Variants in PHF11 observed in about 807,000 individuals in gnomAD.
The protein encoded by PHF11 is BRCA1 C-terminus-associated protein.
A neutral mutation model predicts 40.5 loss-of-function variants in PHF11; 38 were observed. The observed-to-expected ratio is 0.94, with a 90% CI of 0.72 to 1.23. The LOEUF (loss-of-function observed/expected upper bound fraction) is 1.23, where lower values mean the gene tolerates loss of function less well. Ranked by LOEUF, PHF11 falls within the 50% of genes most tolerant of loss-of-function variation. PHF11 has a pLI of 0.00. For missense variants in PHF11, 369 were observed against 392.4 expected (o/e 0.94, Z 0.50); for synonymous variants, 127 against 138.2 (o/e 0.92, Z 0.57).
intron 2 of PHF11, among the ~76,000 whole-genome samples, chr13:49,509,206 T>G (rs1366514200): frequency 6.7e-6 from 1 of 148,656 alleles, no homozygotes; most frequent in African/African-American, 2.5e-5. Flanking sequence ...CCTGAATACT[T>G]TAGTATGATT....
intron 2 of PHF11, 137 bp from the exon 3 acceptor site, chr13:49,512,922 C>A (rs1479618476): frequency 1.0e-5 from 6 of 588,416 alleles, no homozygotes; most frequent in African/African-American, 1.9e-5. Flanking sequence ...TGCTCATCCA[C>A]CCCCAAAGTT....
chr13:49,524,449 G>T (rs998202059), intron 8 of PHF11, among the ~76,000 whole-genome samples: 4 of 151,502 alleles, frequency 2.6e-5, no homozygotes, highest in South Asian at 2.1e-4. Context: ...AAGCTGTCCA[G>T]CTTGTCATTC....
chr13:49,517,132 C>A (rs754839792), intron 3 of PHF11, among the ~76,000 whole-genome samples: 21 of 152,158 alleles, frequency 1.4e-4, no homozygotes, highest in Non-Finnish European at 4.4e-5. Flanking sequence ...ATTAAATGAT[C>A]GTTCTTGTAT....
At chr13:49,496,154 C>T (rs1958802258) in intron 1 of PHF11, 59 bp downstream of exon 1, 10 of 1,010,000 alleles carry the variant, frequency 9.9e-6, no homozygotes, top group Middle Eastern at 3.6e-4. Context: ...CGGGCCCGGT[C>T]AAGGGGCCTG....
chr13:49,521,082 A>G (rs1218164621), intron 5 of PHF11, 142 bp downstream of exon 5: 4 of 1,389,846 alleles, frequency 2.9e-6, no homozygotes, highest in Non-Finnish European at 2.8e-6. Context: ...AAAATTGACA[A>G]CTTCTTTGTG....
chr13:49,517,376 G>A (rs1007451749), intron 3 of PHF11, among the ~76,000 whole-genome samples: 3 of 152,132 alleles, frequency 2.0e-5, no homozygotes, highest in Non-Finnish European at 2.9e-5. Context: ...GCCACACACT[G>A]CCTAGCCATC....
chr13:49,526,702 G>T (rs112977789), intron 9 of PHF11, among the ~76,000 whole-genome samples: 2,857 of 151,004 alleles, frequency 0.019, 101 homozygotes, highest in African/African-American at 0.064. Context: ...GTTGGTTGTA[G>T]GTAGTTGGAA....
chr13:49,503,120 G>A (rs1031024697), intron 1 of PHF11, among the ~76,000 whole-genome samples: 24 of 152,072 alleles, frequency 1.6e-4, no homozygotes, highest in Non-Finnish European at 3.4e-4. Flanking sequence ...TCCTTTCCCA[G>A]CTTCCTGTGC....
intron 4 of PHF11, 96 bp from the exon 5 acceptor site, chr13:49,520,798 A>G (rs1196732953): frequency 1.2e-6 from 1 of 838,616 alleles, no homozygotes; most frequent in East Asian, 2.8e-5. Flanking sequence ...CCGTCATGAA[A>G]AGTAGGTTGG....
intron 3 of PHF11, 87 bp downstream of exon 3, chr13:49,513,253 A>G (rs1445620376): frequency 9.4e-6 from 6 of 640,780 alleles, no homozygotes; most frequent in African/African-American, 1.9e-5. Flanking sequence ...CTGATACACC[A>G]GGGATAGAGA....
intron 2 of PHF11, among the ~76,000 whole-genome samples, chr13:49,508,755 G>A (rs541460035): frequency 8.6e-5 from 13 of 151,924 alleles, no homozygotes; most frequent in East Asian, 3.9e-4. Flanking sequence ...CCTTTAATTC[G>A]GGGGACTCTT....
chr13:49,520,168 C>G, intron 4 of PHF11, among the ~76,000 whole-genome samples: 1 of 152,158 alleles, frequency 6.6e-6, no homozygotes, highest in Non-Finnish European at 1.5e-5. Context: ...CCTGCCTCAG[C>G]CTCCTGAGTA....
At chr13:49,513,328 ATTTTTT>A (rs5803468) in intron 3 of PHF11, among the ~76,000 whole-genome samples, 162 bp downstream of exon 3, 1 of 126,150 alleles carries the variant, frequency 7.9e-6, no homozygotes, top group Non-Finnish European at 1.7e-5. Context: ...TTAACATTTA[ATTTTTT>A]TTTTTTTTTT....
intron 1 of PHF11, among the ~76,000 whole-genome samples, chr13:49,501,000 G>T (rs7331832): frequency 0.1 from 4,993 of 49,416 alleles, 169 homozygotes; most frequent in African/African-American, 0.25. Context: ...ACCAACTTTT[G>T]TTTTTTTTTT....
intron 3 of PHF11, among the ~76,000 whole-genome samples, chr13:49,516,544 A>G (rs897156536): frequency 2.0e-5 from 3 of 149,954 alleles, no homozygotes; most frequent in African/African-American, 7.4e-5. Flanking sequence ...AAATATTTTG[A>G]ATGCCCTCAC....
At chr13:49,500,803 C>G (rs541894594) in intron 1 of PHF11, among the ~76,000 whole-genome samples, 1 of 152,268 alleles carries the variant, frequency 6.6e-6, no homozygotes, top group South Asian at 2.1e-4. Context: ...ATACAAACCA[C>G]CTCTGTATTC....
intron 3 of PHF11, among the ~76,000 whole-genome samples, chr13:49,517,170 A>C (rs2139061611): frequency 6.6e-6 from 1 of 152,302 alleles, no homozygotes; most frequent in African/African-American, 2.4e-5. Context: ...CACCGTTATC[A>C]TAACCTTATT....
At chr13:49,499,229 CT>C (rs1958868444) in intron 1 of PHF11, among the ~76,000 whole-genome samples, 2 of 152,246 alleles carry the variant, frequency 1.3e-5, no homozygotes, top group East Asian at 3.8e-4. Flanking sequence ...CCAATCTGAA[CT>C]GAAATCTTCT....
intron 5 of PHF11, chr13:49,521,207 T>C (rs941622477): frequency 5.4e-6 from 6 of 1,103,584 alleles, no homozygotes; most frequent in Non-Finnish European, 6.6e-6. Context: ...AACTAAGACA[T>C]GGGAAAAAGC....
Sources: gnomAD v4.1 joint callset for allele counts (sites outside exome capture counted in the v4.1 genomes callset) on GRCh38, gnomAD v4.1.1 for gene constraint, MANE v1.5 for transcripts, NCBI Gene and HGNC (gene_info 2026-07-23, HGNC 2026-07-21) for gene names.